The following PDE7B variants were observed in gnomAD, a reference collection of about 807,000 sequenced individuals.
PDE7B encodes the protein 3',5'-cyclic-AMP phosphodiesterase 7B.
PDE7B carries 29 observed loss-of-function variants against 56.2 expected under a neutral mutation model. The observed-to-expected ratio is 0.52, with a 90% CI of 0.38 to 0.70. The LOEUF is 0.70. Ranked by LOEUF, PDE7B falls within the 30% of genes least tolerant of loss-of-function variation. PDE7B has a pLI of 0.00. For synonymous variants in PDE7B, 197 were observed against 196.9 expected, an observed-to-expected ratio of 1.00 and a Z score of 0.00; for missense variants, 490 against 565.0, an observed-to-expected ratio of 0.87 and a Z score of 1.35.
rs566999379 is a variant in PDE7B, at chr6:136,005,242, G to A, written c.82+57718G>A. On this transcript the variant is annotated intron_variant, in intron 2 of 12. Coordinates refer to ENST00000308191, the MANE Select transcript of PDE7B (RefSeq NM_018945.4). ...AGACTTAAATGTTAGACCTAAAACC[G>A]TAAAAACCGTAGAAGAAAACCTAGG... 7.0e-3 allele frequency among the ~76,000 whole-genome samples: 1,061 copies of A among 152,164 alleles called. 9 individuals carry two copies. Among genetic ancestry groups the A allele is most frequent in the African/African-American group, 0.023 (957 of 41,506 alleles).
chr6:136,151,483 A>AC lies in PDE7B; in HGVS notation c.478+233dup, dbSNP rs916724503. ...AACAACTTGGGGGTTAGGGGTGCTA[A>AC]CCCCCTGTGTAGTCAAAAAATCTGT... On this transcript the variant is annotated intron_variant, in intron 6 of 12. Coordinates refer to ENST00000308191, the MANE Select transcript of PDE7B (RefSeq NM_018945.4). Among the ~76,000 whole-genome samples the AC allele has an allele frequency of 3.9e-5, 6 of 151,996 alleles. No homozygotes were observed. The South Asian group carries it at 1.2e-3, about 32-fold the overall frequency.
intron 1 of PDE7B, among the ~76,000 whole-genome samples, chr6:135,931,488 G>A (rs1348667720): frequency 6.6e-6 from 1 of 152,196 alleles, no homozygotes; most frequent in African/African-American, 2.4e-5. Flanking sequence ...CAGTTAAAGT[G>A]AAGGTATGAA....
intron 1 of PDE7B, among the ~76,000 whole-genome samples, chr6:135,946,858 T>A (rs1774604236): frequency 6.6e-6 from 1 of 152,110 alleles, no homozygotes. Flanking sequence ...ACTGATTGTA[T>A]CTCTGCAGGA....
intron 1 of PDE7B, among the ~76,000 whole-genome samples, chr6:135,877,747 C>T (rs921656188): frequency 1.3e-5 from 1 of 79,092 alleles, no homozygotes; most frequent in East Asian, 3.5e-4. Flanking sequence ...GAAAACAAAA[C>T]AAAACAAAAA....
intron 2 of PDE7B, among the ~76,000 whole-genome samples, chr6:135,975,717 G>T (rs1342008412): frequency 1.3e-5 from 2 of 152,190 alleles, no homozygotes; most frequent in East Asian, 1.9e-4. Flanking sequence ...ATTTTGGGTA[G>T]ATTCTCAATG....
chr6:135,943,650 G>A (rs912093867), intron 1 of PDE7B, among the ~76,000 whole-genome samples: 1 of 152,160 alleles, frequency 6.6e-6, no homozygotes, highest in African/African-American at 2.4e-5. Flanking sequence ...AAAAGTAGAG[G>A]CACAGCACTT....
At chr6:135,888,638 C>G (rs775871079) in intron 1 of PDE7B, among the ~76,000 whole-genome samples, 1 of 149,962 alleles carries the variant, frequency 6.7e-6, no homozygotes. Flanking sequence ...AGTAGGTGTA[C>G]TAGTTTAAAA....
At chr6:136,137,929 A>G (rs1363722426) in intron 3 of PDE7B, among the ~76,000 whole-genome samples, 1 of 152,108 alleles carries the variant, frequency 6.6e-6, no homozygotes, top group Non-Finnish European at 1.5e-5. Flanking sequence ...AAAGAAAATG[A>G]ATTTCACAGT....
intron 2 of PDE7B, among the ~76,000 whole-genome samples, chr6:136,092,438 G>A (rs889594794): frequency 6.6e-6 from 1 of 152,162 alleles, no homozygotes; most frequent in Non-Finnish European, 1.5e-5. Flanking sequence ...TTTCAAATAG[G>A]AAGAAATGGC....
chr6:136,024,433 G>T (rs1056649006), intron 2 of PDE7B, among the ~76,000 whole-genome samples: 1 of 151,752 alleles, frequency 6.6e-6, no homozygotes, highest in Non-Finnish European at 1.5e-5. Context: ...TTCATCTCCT[G>T]ACCACTTCCC....
chr6:136,093,041 C>G (rs956423891), intron 2 of PDE7B, among the ~76,000 whole-genome samples: 10 of 152,206 alleles, frequency 6.6e-5, no homozygotes, highest in African/African-American at 2.4e-4. Context: ...ATCAAAACAT[C>G]ATGTCGTATA....
intron 1 of PDE7B, among the ~76,000 whole-genome samples, chr6:135,861,854 T>C (rs1193572090): frequency 1.3e-5 from 2 of 151,860 alleles, no homozygotes; most frequent in African/African-American, 2.4e-5. Context: ...GCTAGACATA[T>C]TACTGGGCAC....
At chr6:135,988,475 C>CT (rs1435746513) in intron 2 of PDE7B, among the ~76,000 whole-genome samples, 2 of 152,044 alleles carry the variant, frequency 1.3e-5, no homozygotes, top group Non-Finnish European at 2.9e-5. Flanking sequence ...CATTCTGACT[C>CT]TAAGATGTTA....
chr6:136,072,809 G>A (rs975182533), intron 2 of PDE7B: 27 of 152,202 alleles, frequency 1.8e-4, no homozygotes, highest in African/African-American at 2.4e-5. Flanking sequence ...CGGGACACAT[G>A]TGCGATGGAA....
At chr6:135,880,114 C>G (rs1031159400) in intron 1 of PDE7B, among the ~76,000 whole-genome samples, 1 of 152,124 alleles carries the variant, frequency 6.6e-6, no homozygotes, top group Non-Finnish European at 1.5e-5. Flanking sequence ...AACATCACCC[C>G]ACAAACCACA....
chr6:136,011,114 T>C (rs935521521), intron 2 of PDE7B, among the ~76,000 whole-genome samples: 1 of 152,146 alleles, frequency 6.6e-6, no homozygotes, highest in South Asian at 2.1e-4. Context: ...AAAAAGAGAT[T>C]CTTAATAATG....
intron 2 of PDE7B, among the ~76,000 whole-genome samples, chr6:136,088,032 C>T (rs1372943880): frequency 6.6e-6 from 1 of 152,170 alleles, no homozygotes; most frequent in Admixed American, 6.5e-5. Flanking sequence ...AGTGGCAAAT[C>T]TGTGGGACCA....
chr6:136,014,613 A>G (rs1775944964), intron 2 of PDE7B, among the ~76,000 whole-genome samples: 3 of 152,198 alleles, frequency 2.0e-5, no homozygotes, highest in Admixed American at 2.0e-4. Context: ...ATGACATGAC[A>G]TAGGTGGCAG....
chr6:135,982,905 G>A (rs75149976), intron 2 of PDE7B, among the ~76,000 whole-genome samples: 10,958 of 152,018 alleles, frequency 0.072, 1,248 homozygotes, highest in African/African-American at 0.24. Context: ...TCCTCTAAAG[G>A]CTTCTCCCTT....
Sources: allele counts gnomAD v4.1 joint callset (sites outside exome capture counted in the v4.1 genomes callset), GRCh38; gene constraint gnomAD v4.1.1; transcripts MANE v1.5; gene names NCBI Gene and HGNC (gene_info 2026-07-23, HGNC 2026-07-21).